The following AFDN variants were observed in gnomAD, a reference collection of about 807,000 sequenced individuals.
The protein encoded by AFDN is afadin.
AFDN carries 68 observed loss-of-function variants against 216.6 expected under a neutral mutation model. The ratio of observed to expected loss-of-function variants is 0.31; its 90% CI spans 0.26 to 0.38. AFDN has a LOEUF of 0.38. Among genes scored for constraint, AFDN ranks in the 10% least tolerant of loss-of-function variants. AFDN has a pLI of 1.00. For missense variants in AFDN, 2,136 were observed against 2,342.0 expected (o/e 0.91, Z 1.82); for synonymous variants, 868 against 853.7 (o/e 1.02, Z -0.29).
Position 167,827,257 on chromosome 6 carries a change from G to A in AFDN, c.105+20G>A, listed in dbSNP as rs1490695789. The A allele has an allele frequency of 4.7e-6, 5 of 1,056,240 alleles. No individual in the cohort carries two copies. The highest frequency in any genetic ancestry group is 3.4e-5 in the African/African-American group (2 of 58,762). 65.4% of individuals were successfully genotyped at this position (1,056,240 alleles called of 1,614,324 possible). A position where few individuals can be genotyped will look rare whatever the true frequency, so the allele number is the denominator to read the frequency against. ...ACCGAGGTGAGCACCGCCGGGCGCG[G>A]GGCCTGCGCGACCCCCGCCCGCTGC... On this transcript the variant is annotated intron_variant, in intron 1 of 33. Transcript: ENST00000683244.
At chr6:167,903,727 T>G (rs1562642837) in intron 12 of AFDN, among the ~76,000 whole-genome samples, 1 of 152,000 alleles carries the variant, frequency 6.6e-6, no homozygotes, top group African/African-American at 2.4e-5. Flanking sequence ...CACAGCTTCT[T>G]GGGGAAAAAA....
At chr6:167,854,012 G>C (rs1270873018) in intron 1 of AFDN, among the ~76,000 whole-genome samples, 1 of 151,962 alleles carries the variant, frequency 6.6e-6, no homozygotes, top group Admixed American at 6.6e-5. Flanking sequence ...GTTTCAAAAT[G>C]TACATGAGTA....
At chr6:167,914,049 T>C in intron 16 of AFDN, 119 bp from the exon 17 acceptor site, 5 of 1,081,444 alleles carry the variant, frequency 4.6e-6, no homozygotes, top group Non-Finnish European at 5.3e-6. Context: ...CTGTGGTAAA[T>C]ACCTTGGTGA....
intron 23 of AFDN, among the ~76,000 whole-genome samples, chr6:167,929,865 T>A (rs891155731): frequency 6.6e-6 from 1 of 152,178 alleles, no homozygotes; most frequent in African/African-American, 2.4e-5. Context: ...GTGTATAAAT[T>A]GAAAACTGGA....
chr6:167,874,156 A>G (rs1368113759), intron 4 of AFDN, among the ~76,000 whole-genome samples: 2 of 152,258 alleles, frequency 1.3e-5, no homozygotes, highest in South Asian at 4.1e-4. Flanking sequence ...AGGTGGGAGG[A>G]TTGCTTGATC....
At chr6:167,892,170 C>G (rs965022576) in intron 8 of AFDN, among the ~76,000 whole-genome samples, 1 of 151,986 alleles carries the variant, frequency 6.6e-6, no homozygotes, top group Non-Finnish European at 1.5e-5. Context: ...AGCTTTTATA[C>G]CTAATTATGC....
intron 12 of AFDN, among the ~76,000 whole-genome samples, chr6:167,903,870 C>T (rs144327003): frequency 4.2e-4 from 64 of 152,350 alleles, no homozygotes; most frequent in Middle Eastern, 3.4e-3. Context: ...AAATCTGGCA[C>T]GCATTTTGTC....
chr6:167,865,348 T>G (rs9355142), intron 2 of AFDN, among the ~76,000 whole-genome samples: 46,360 of 152,006 alleles, frequency 0.3, 8,063 homozygotes, highest in East Asian at 0.6. Flanking sequence ...ATGTGGAAAT[T>G]TAGGTAAGTG....
At chr6:167,876,686 T>G (rs1363657457) in intron 5 of AFDN, among the ~76,000 whole-genome samples, 1 of 152,210 alleles carries the variant, frequency 6.6e-6, no homozygotes, top group Non-Finnish European at 1.5e-5. Flanking sequence ...ATAGCTAGCT[T>G]AGAGTATCAA....
At chr6:167,875,254 G>T (rs1785222736) in intron 4 of AFDN, 81 bp from the exon 5 acceptor site, 1 of 1,389,918 alleles carries the variant, frequency 7.2e-7, no homozygotes, top group South Asian at 1.4e-5. Flanking sequence ...CTGCCATTTT[G>T]ATTTTTGTGC....
chr6:167,872,365 A>C lies in AFDN; in HGVS notation c.566A>C (p.Gln189Pro). 6.2e-7 allele frequency: 1 copy of C among 1,609,324 alleles called. No individual in the cohort carries two copies. The highest frequency in any genetic ancestry group is 8.5e-7 in the Non-Finnish European group (1 of 1,178,876). ...QASDKDDRPF[Q>P]GEDVENSRLA... ...TCTGATAAAGATGATAGACCTTTCCAAGGGGAGGATGTGTAAGTCAGTTTT... is the reference window on the plus strand; with the variant it reads ...TCTGATAAAGATGATAGACCTTTCCCAGGGGAGGATGTGTAAGTCAGTTTT... Residue 189 changes from glutamine (Q) to proline (P), a missense_variant, in exon 4 of 34, where the codon CAA (glutamine) becomes CCA (proline). Transcript: ENST00000683244.
chr6:167,953,124 T>A (rs1428988566), intron 30 of AFDN, among the ~76,000 whole-genome samples: 2 of 152,228 alleles, frequency 1.3e-5, no homozygotes, highest in Non-Finnish European at 2.9e-5. Context: ...TTAGTGATTT[T>A]TTTTTCTTTT....
Position 167,948,135 on chromosome 6 carries a change from G to A in AFDN, c.3646-158G>A, listed in dbSNP as rs1371039249. ...ATCAGTTTTAAATTAATAAGTCTGG[G>A]CAAAATGAAATGTTATTTATTCTCA... On this transcript the variant is annotated intron_variant, in intron 28 of 33. Transcript: ENST00000683244. The A allele has an allele frequency of 6.3e-6, 5 of 795,470 alleles. No homozygotes were observed. The East Asian group carries it at 1.1e-4, about 17-fold the overall frequency. 49.3% of individuals were successfully genotyped at this position (795,470 alleles called of 1,614,324 possible).
chr6:167,870,757 A>G (rs1235340401), intron 3 of AFDN, among the ~76,000 whole-genome samples: 1 of 152,148 alleles, frequency 6.6e-6, no homozygotes, highest in African/African-American at 2.4e-5. Context: ...AGATTTAATG[A>G]TCAGGTGATC....
In AFDN at chr6:167,898,305, A is replaced by G. The variant is rs1788531211; in HGVS notation, c.1418A>G (p.Glu473Gly). The G allele has an allele frequency of 2.5e-6, 4 of 1,614,134 alleles. No homozygotes were observed. In the East Asian group the frequency reaches 6.7e-5, roughly 27 times the overall value. ...PRSMDAETYV[E>G]GQRISETTML... is the part of the protein sequence containing the mutation. ...AGTATGGACGCAGAAACCTACGTGG[A>G]AGGCCAGCGCATCTCAGAAACCACC... The change falls in exon 11 of 34, where the codon GAA becomes GGA. Residue 473 changes from glutamate (E) to glycine (G), a missense_variant. By Grantham distance (98) the Glu-to-Gly change is moderately conservative. This residue lies in a region of AFDN where 817 missense variants were observed against 965.7 expected (regional missense o/e 0.85). Transcript: ENST00000683244.
chr6:167,951,484 C>T lies in AFDN; in HGVS notation c.4130C>T (p.Pro1377Leu), dbSNP rs1795973224. The change falls in exon 30 of 34, where the codon CCA becomes CTA. Residue 1377 changes from proline (P) to leucine (L), a missense_variant. Pro to Leu is a moderately conservative substitution (Grantham distance 98). Coordinates refer to ENST00000683244, the MANE Select transcript of AFDN (RefSeq NM_001386888.1). The surrounding 1 kb of genome is among the most constrained non-coding windows in gnomAD (Gnocchi z 7.1). ...ACAGACCTGCCTCCGCCACCCCCGCCACCTCCAGTCCACTATGCCGGTGAT... is the reference window on the plus strand; with the variant it reads ...ACAGACCTGCCTCCGCCACCCCCGCTACCTCCAGTCCACTATGCCGGTGAT... The part of the protein sequence containing the change: ...IRTDLPPPPP[P>L]PPVHYAGDFD... The T allele has an allele frequency of 1.2e-6, 2 of 1,613,998 alleles. No homozygotes were observed. Among genetic ancestry groups the T allele is most frequent in the South Asian group, 1.1e-5 (1 of 91,084 alleles).
chr6:167,965,624 G>A, intron 31 of AFDN, 133 bp from the exon 32 acceptor site: 1 of 816,086 alleles, frequency 1.2e-6, no homozygotes. Flanking sequence ...TGCTGCTTCT[G>A]TTACATAGTA....
intron 23 of AFDN, among the ~76,000 whole-genome samples, chr6:167,929,189 C>T (rs996837278): frequency 3.3e-5 from 5 of 151,140 alleles, no homozygotes; most frequent in Non-Finnish European, 5.9e-5. Flanking sequence ...TACTGCCTAT[C>T]GTGTGAAAAG....
chr6:167,924,191 C>T (rs959158195), intron 22 of AFDN, among the ~76,000 whole-genome samples: 6 of 152,084 alleles, frequency 3.9e-5, no homozygotes, highest in Non-Finnish European at 8.8e-5. Context: ...AATTAAAAAG[C>T]CATATGTATA....
Sources: gnomAD v4.1 joint callset for allele counts (sites outside exome capture counted in the v4.1 genomes callset) on GRCh38, gnomAD v4.1.1 for gene constraint, gnomAD v4.1.1 regional missense constraint, Gnocchi (gnomAD v3.1) non-coding constraint, MANE v1.5 for transcripts, NCBI Gene and HGNC (gene_info 2026-07-23, HGNC 2026-07-21) for gene names.